Variants in DACH2 observed in about 807,000 individuals in gnomAD.
DACH2 encodes the protein dachshund homolog 2.
DACH2 carries 17 observed loss-of-function variants against 35.8 expected under a neutral mutation model. The observed-to-expected ratio is 0.48, with a 90% CI of 0.33 to 0.71. The LOEUF (loss-of-function observed/expected upper bound fraction) is 0.71, where lower values mean the gene tolerates loss of function less well. Among genes scored for constraint, DACH2 ranks in the 30% least tolerant of loss-of-function variants. The pLI is 0.02. For missense variants in DACH2, 469 were observed against 472.7 expected (o/e 0.99, Z 0.07); for synonymous variants, 195 against 177.3 (o/e 1.10, Z -0.79).
intron 3 of DACH2, among the ~76,000 whole-genome samples, chrX:86,568,760 C>T (rs1457616998): frequency 1.8e-5 from 2 of 111,268 alleles, no homozygotes; most frequent in Non-Finnish European, 3.8e-5. Context: ...ATATGCTAGA[C>T]ACTACTCCTT....
In DACH2 at chrX:86,660,318, A is replaced by T. The variant is rs2040592034; in HGVS notation, c.772+9151A>T. Among the ~76,000 whole-genome samples the T allele has an allele frequency of 2.7e-5, 3 of 111,004 alleles. No individual in the cohort carries two copies. In the South Asian group the frequency reaches 1.1e-3, roughly 41 times the overall value. On this transcript the variant is annotated intron_variant, in intron 4 of 11. Transcript: ENST00000373125. ...CAGGAGATTAGATTCGCCTGACAAGACTCAATCTTTAGGAAGCCATGCAGG... is the reference window on the plus strand; with the variant it reads ...CAGGAGATTAGATTCGCCTGACAAGTCTCAATCTTTAGGAAGCCATGCAGG...
Position 86,148,730 on chromosome X carries a change from G to C in DACH2, c.110G>C (p.Arg37Pro), listed in dbSNP as rs955604217. 15 of 1,208,751 alleles carry C rather than the reference G, an allele frequency of 1.2e-5. No individual in the cohort carries two copies. Among genetic ancestry groups the C allele is most frequent in the Non-Finnish European group, 1.6e-5 (14 of 894,982 alleles). Residue 37 changes from arginine (R) to proline (P), a missense_variant, in exon 1 of 12, where the codon CGT becomes CCT. Physicochemically the swap from Arg to Pro is moderately radical, Grantham distance 103. Around this residue, in one of 3 missense-constraint regions of DACH2, gnomAD observed 99 missense variants for 114.3 expected, o/e 0.87. Coordinates refer to ENST00000373125, the MANE Select transcript of DACH2 (RefSeq NM_053281.3). The stretch of plus-strand genomic sequence containing the variant: ...TACTCGACTCCCAGAGAGCCCCCTC[G>C]TCTTACTCCTAATATGATCAATAGT... ...PLYSTPREPP[R>P]LTPNMINSFV...
At position 86,776,842 on chromosome X, in the gene DACH2, G is replaced by GT. The variant is rs775678143; in HGVS notation, c.1241-36008dup. 4.5e-5 allele frequency among the ~76,000 whole-genome samples: 5 copies of GT among 111,342 alleles called. No individual in the cohort carries two copies. The South Asian group carries it at 1.5e-3, about 34-fold the overall frequency. Reference sequence around the variant, plus strand: ...TATGAGTGAGAACATGCGGTGTTTGGTTTTTTGTCCTTGCAATAGATTGCT... The same window carrying GT: ...TATGAGTGAGAACATGCGGTGTTTGGTTTTTTTGTCCTTGCAATAGATTGCT... On this transcript the variant is annotated intron_variant, in intron 7 of 11. Transcript: ENST00000373125.
At chrX:86,640,437 C>G (rs761961660) in intron 3 of DACH2, among the ~76,000 whole-genome samples, 1 of 111,721 alleles carries the variant, frequency 9.0e-6, no homozygotes, top group Non-Finnish European at 1.9e-5. Context: ...ACAGTAAACC[C>G]CTGGCTTGGG....
At chrX:86,651,848 T>C (rs896628304) in intron 4 of DACH2, among the ~76,000 whole-genome samples, 4 of 111,817 alleles carry the variant, frequency 3.6e-5, no homozygotes, top group Non-Finnish European at 7.5e-5. Flanking sequence ...AATGGATGGA[T>C]GGACGGATGG....
At chrX:86,375,825 A>G (rs1341221594) in intron 1 of DACH2, among the ~76,000 whole-genome samples, 1 of 110,300 alleles carries the variant, frequency 9.1e-6, no homozygotes, top group Non-Finnish European at 1.9e-5. Context: ...AAAACAGATG[A>G]TATTTTCATT....
intron 2 of DACH2, among the ~76,000 whole-genome samples, chrX:86,393,565 G>A (rs898414704): frequency 2.7e-5 from 3 of 112,244 alleles, no homozygotes; most frequent in African/African-American, 9.7e-5. Flanking sequence ...AACTCCCATG[G>A]CTTGGTCACT....
intron 1 of DACH2, among the ~76,000 whole-genome samples, chrX:86,190,514 T>C (rs948636321): frequency 6.2e-5 from 7 of 112,072 alleles, no homozygotes; most frequent in Non-Finnish European, 1.1e-4. Flanking sequence ...TCCTTCAACA[T>C]GAACAGACAC....
chrX:86,414,883 G>C (rs1351291912), intron 2 of DACH2, among the ~76,000 whole-genome samples: 1 of 111,391 alleles, frequency 9.0e-6, no homozygotes, highest in Non-Finnish European at 1.9e-5. Flanking sequence ...ACCACTCACG[G>C]TACCAAAATA....
At chrX:86,801,982 A>G (rs1407176859) in intron 7 of DACH2, among the ~76,000 whole-genome samples, 1 of 112,162 alleles carries the variant, frequency 8.9e-6, no homozygotes, top group Non-Finnish European at 1.9e-5. Flanking sequence ...ACTGGTTGAT[A>G]TATGTCTTTA....
At chrX:86,163,334 A>G (rs1456083619) in intron 1 of DACH2, among the ~76,000 whole-genome samples, 1 of 111,547 alleles carries the variant, frequency 9.0e-6, no homozygotes, top group Non-Finnish European at 1.9e-5. Flanking sequence ...TTCACTTCGC[A>G]TAATGATCTC....
intron 3 of DACH2, among the ~76,000 whole-genome samples, chrX:86,539,809 C>T (rs1049508435): frequency 2.7e-5 from 3 of 111,350 alleles, no homozygotes; most frequent in Non-Finnish European, 5.7e-5. Flanking sequence ...TGAATGTAAA[C>T]AACTTAGCAT....
chrX:86,706,827 A>G (rs970633973), intron 5 of DACH2, among the ~76,000 whole-genome samples: 1 of 110,998 alleles, frequency 9.0e-6, no homozygotes, highest in Non-Finnish European at 1.9e-5. Flanking sequence ...ATCAAATTTC[A>G]TAGGATGTAA....
chrX:86,337,733 G>A (rs1320140310), intron 1 of DACH2, among the ~76,000 whole-genome samples: 2 of 111,698 alleles, frequency 1.8e-5, no homozygotes, highest in African/African-American at 6.5e-5. Flanking sequence ...AAATGTAAAT[G>A]GGCTAAATAC....
At chrX:86,728,458 C>T (rs2041495935) in intron 6 of DACH2, among the ~76,000 whole-genome samples, 1 of 112,651 alleles carries the variant, frequency 8.9e-6, no homozygotes, top group Non-Finnish European at 1.9e-5. Context: ...GAAATAAAAG[C>T]AGACTATGGA....
intron 1 of DACH2, among the ~76,000 whole-genome samples, chrX:86,184,067 T>A (rs760869905): frequency 2.7e-5 from 3 of 111,489 alleles, no homozygotes; most frequent in Non-Finnish European, 5.6e-5. Flanking sequence ...TTTCTCTATT[T>A]TCTTCTTTAT....
At chrX:86,771,770 T>C (rs2041990116) in intron 7 of DACH2, among the ~76,000 whole-genome samples, 1 of 111,909 alleles carries the variant, frequency 8.9e-6, no homozygotes, top group Non-Finnish European at 1.9e-5. Flanking sequence ...GTAAATGTCA[T>C]GTTTTTTATC....
rs189216749 is a variant in DACH2, at chrX:86,207,141, A to T, written c.488+58033A>T. Among the ~76,000 whole-genome samples, 307 of 111,448 alleles carry T rather than the reference A, an allele frequency of 2.8e-3. 1 individual carries two copies. Among genetic ancestry groups the T allele is most frequent in the African/African-American group, 9.6e-3 (295 of 30,708 alleles). ...ATCATGAAGAATCCCATGAACAAAG[A>T]TGTAAAATAAAATGACTTATGAAGA... On this transcript the variant is annotated intron_variant, in intron 1 of 11. Coordinates refer to ENST00000373125, the MANE Select transcript of DACH2 (RefSeq NM_053281.3).
In DACH2 at chrX:86,316,466, A is replaced by C. The variant is rs145479694; in HGVS notation, c.489-60358A>C. 1.5e-4 allele frequency among the ~76,000 whole-genome samples: 17 copies of C among 111,632 alleles called. No individual in the cohort carries two copies. The East Asian group carries it at 4.8e-3, about 32-fold the overall frequency. On this transcript the variant is annotated intron_variant, in intron 1 of 11. Coordinates refer to ENST00000373125, the MANE Select transcript of DACH2 (RefSeq NM_053281.3). ...AAGAGAAGTGATTTCTTTGAACTGC[A>C]TGAGGTTAGAAAGGGAGCTATTTAT...
Sources: allele counts gnomAD v4.1 joint callset (sites outside exome capture counted in the v4.1 genomes callset), GRCh38; gene constraint gnomAD v4.1.1; regional missense constraint gnomAD v4.1.1; transcripts MANE v1.5; gene names NCBI Gene and HGNC (gene_info 2026-07-23, HGNC 2026-07-21).